The following INTS1 variants were observed in gnomAD, a reference collection of about 807,000 sequenced individuals.
INTS1 encodes integrator complex subunit 1.
Under a neutral mutation model 241.6 loss-of-function variants are expected in INTS1, and 137 were observed. That is an observed-to-expected ratio of 0.57 (90% CI 0.49 to 0.65). The LOEUF is 0.65. INTS1 is among the 30% of genes least tolerant of loss of function. The pLI is 0.00. For synonymous variants in INTS1, 1,692 were observed against 1,337.8 expected (o/e 1.26, Z -5.78); for missense variants, 3,073 against 3,032.2 (o/e 1.01, Z -0.32).
chr7:1,482,521 T>C lies in INTS1; in HGVS notation c.3703+25A>G, dbSNP rs10227674. The C allele has an allele frequency of 0.45, 704,946 of 1,576,266 alleles. 163,919 individuals are homozygous for C. Among genetic ancestry groups the C allele is most frequent in the East Asian group, 0.73 (32,340 of 44,146 alleles). ...CCGGGACCCCTGAGTCAGCAGCCCCTGCCCAAGCCCAGCCTGGACCGTACC... is the reference window on the plus strand; with the variant it reads ...CCGGGACCCCTGAGTCAGCAGCCCCCGCCCAAGCCCAGCCTGGACCGTACC... On this transcript the variant is annotated intron_variant, in intron 27 of 47. Transcript: ENST00000404767.
rs372135474 is a variant in INTS1, at chr7:1,489,304, C to T, written c.2318+40G>A. The T allele has an allele frequency of 4.1e-4, 657 of 1,586,084 alleles. 2 individuals are homozygous for T. In the African/African-American group the frequency reaches 7.5e-3, roughly 18 times the overall value. On this transcript the variant is annotated intron_variant, in intron 18 of 47. Coordinates refer to ENST00000404767, the MANE Select transcript of INTS1 (RefSeq NM_001080453.3). ...CCCAGCGGAACGAGACCAGGCCCTG[C>T]TCCCCATCCCGGGCCCGCCGAGGGG...
At position 1,475,945 on chromosome 7, in the gene INTS1, C is replaced by T; in HGVS notation, c.5502+3G>A. 1 of 1,537,826 alleles carries T rather than the reference C, an allele frequency of 6.5e-7. No individual in the cohort carries two copies. Among genetic ancestry groups the T allele is most frequent in the Non-Finnish European group, 8.7e-7 (1 of 1,144,106 alleles). ...GCGGGGAGCGGCAGAGTTGCGCCCT[C>T]ACCTTGCAGACGCTGCTGCTGGCAG... On this transcript the variant is annotated splice_donor_region_variant and intron_variant, in intron 39 of 47. Coordinates refer to ENST00000404767, the MANE Select transcript of INTS1 (RefSeq NM_001080453.3).
At position 1,503,200 on chromosome 7, in the gene INTS1, A is replaced by C; in HGVS notation, c.59-9T>G. 6.6e-7 allele frequency: 1 copy of C among 1,520,954 alleles called. No homozygotes were observed. Among genetic ancestry groups the C allele is most frequent in the South Asian group, 1.3e-5 (1 of 76,314 alleles). The allele number at this position is 1,520,954 out of a possible 1,614,324, so 94.2% of individuals were successfully genotyped here. On this transcript the variant is annotated splice_polypyrimidine_tract_variant and intron_variant, in intron 2 of 47. Transcript: ENST00000404767. ...TCCTGGGGGAGGGTGCCCTGCAGAG[A>C]AAGGAGAGAGAAAACCGGGCACATT...
In INTS1 at chr7:1,503,856, AAGACCCCC is replaced by A. The variant is rs756941115; in HGVS notation, c.58+39_58+46del. 1.2e-5 allele frequency: 17 copies of A among 1,430,584 alleles called. No individual in the cohort carries two copies. The African/African-American group carries it at 2.2e-4, about 19-fold the overall frequency. The allele number at this position is 1,430,584 out of a possible 1,614,324, so 88.6% of individuals were successfully genotyped here. ...CAGCTGAGATCCCCAAAGACCCCCA[AAGACCCCC>A]AAAGACCCCCGGGCTGCAGAGCGAG... On this transcript the variant is annotated intron_variant, in intron 2 of 47. Transcript: ENST00000404767.
intron 5 of INTS1, 101 bp downstream of exon 5, chr7:1,499,783 A>G: frequency 6.8e-7 from 1 of 1,471,746 alleles, no homozygotes; most frequent in East Asian, 2.4e-5. Context: ...CAGGGCTGTC[A>G]GACACAGCCC....
Position 1,473,535 on chromosome 7 carries a change from C to T in INTS1, c.5957+31G>A, listed in dbSNP as rs372827479. 6.3e-5 allele frequency: 98 copies of T among 1,563,608 alleles called. 1 individual carries two copies. The highest frequency in any genetic ancestry group is 5.9e-5 in the South Asian group (5 of 85,426). The stretch of plus-strand genomic sequence containing the variant: ...CCCCGCTGGACCCTCGCCGGAGGCC[C>T]GAGGCTTCCCTGCAGCCCGTGGGCA... On this transcript the variant is annotated intron_variant, in intron 42 of 47. Transcript: ENST00000404767.
rs1244424422 is a variant in INTS1, at chr7:1,474,740, C to G, written c.5601G>C (p.Arg1867=). ...GCAGCGGGTGCGCCACCGCCAGCTT[C>G]CGGCAGGCCATGCTGGCATCCGCCC... The part of the protein sequence containing the change: ...NRGADASMAC[R]KLAVAHPLLL... The change falls in exon 40 of 48, where the codon CGG becomes CGC. Residue 1867 remains arginine (R), a synonymous_variant. Transcript: ENST00000404767. 1 of 1,563,822 alleles carries G rather than the reference C, an allele frequency of 6.4e-7. No homozygotes were observed. Among genetic ancestry groups the G allele is most frequent in the East Asian group, 2.4e-5 (1 of 42,028 alleles).
At chr7:1,471,016 C>A in intron 46 of INTS1, 61 bp from the exon 47 acceptor site, 1 of 1,518,846 alleles carries the variant, frequency 6.6e-7, no homozygotes. Context: ...GACCCCCACC[C>A]GACAGGGCGA....
Position 1,479,550 on chromosome 7 carries a change from C to T in INTS1, c.4209G>A (p.Val1403=), listed in dbSNP as rs1203749513. The T allele has an allele frequency of 3.9e-6, 6 of 1,555,846 alleles. No homozygotes were observed. Among genetic ancestry groups the T allele is most frequent in the Non-Finnish European group, 5.2e-6 (6 of 1,151,672 alleles). The change falls in exon 31 of 48, where the codon GTG becomes GTA. Residue 1403 remains valine (V), a synonymous_variant. Transcript: ENST00000404767. ...GGGTGGCGAGGGCCTGCAGGACACGCACCGTGATGCCCGGCACCTCGGGGC... is the reference window on the plus strand; with the variant it reads ...GGGTGGCGAGGGCCTGCAGGACACGTACCGTGATGCCCGGCACCTCGGGGC... ...QGSPEVPGIT[V]RVLQALATLL...
rs544941528 is a variant in INTS1 at position 1,483,481 on chromosome 7, C to G, written c.3541+261G>C. ...GGGCAGTGAGGACTCTGACCCCAGG[C>G]TGTACCAGGCCCTCCAGCTCAGGGC... On this transcript the variant is annotated intron_variant, in intron 26 of 47. Transcript: ENST00000404767. 1.3e-5 allele frequency: 7 copies of G among 547,534 alleles called. No homozygotes were observed. The South Asian group carries it at 1.4e-4, about 11-fold the overall frequency. The allele number at this position is 547,534 out of a possible 1,614,324, so 33.9% of individuals were successfully genotyped here. A position where few individuals can be genotyped will look rare whatever the true frequency, so the allele number is the denominator to read the frequency against.
chr7:1,497,152 C>G lies in INTS1; in HGVS notation c.1588G>C (p.Glu530Gln). 6.2e-7 allele frequency: 1 copy of G among 1,606,740 alleles called. No homozygotes were observed. Among genetic ancestry groups the G allele is most frequent in the South Asian group, 1.1e-5 (1 of 90,172 alleles). ...AGGGCTGGCACCTTGAACTCCATCTCCAGGTACTGCGGCTCCTTGCGCTCC... is the reference window on the plus strand; with the variant it reads ...AGGGCTGGCACCTTGAACTCCATCTGCAGGTACTGCGGCTCCTTGCGCTCC... ...MQERKEPQYL[E>Q]MEFKERFVVH... Residue 530 changes from glutamate (E) to glutamine (Q), a missense_variant, in exon 11 of 48, where the codon GAG (glutamate) becomes CAG (glutamine). Glu to Gln is a conservative substitution (Grantham distance 29). Coordinates refer to ENST00000404767, the MANE Select transcript of INTS1 (RefSeq NM_001080453.3). This position sits in a 1 kb window ranked among gnomAD's most constrained non-coding sequence, Gnocchi z 5.3.
intron 3 of INTS1, 55 bp from the exon 4 acceptor site, chr7:1,500,421 G>T (rs1429881003): frequency 6.9e-7 from 1 of 1,456,260 alleles, no homozygotes. Flanking sequence ...TCACCCCAAA[G>T]CCTCGGGACA....
chr7:1,473,759 C>A, intron 41 of INTS1, 66 bp from the exon 42 acceptor site: 8 of 1,589,464 alleles, frequency 5.0e-6, no homozygotes, highest in Non-Finnish European at 6.9e-6. Context: ...GCCTGTGCTC[C>A]CATCTGCTCC....
intron 38 of INTS1, 64 bp from the exon 39 acceptor site, chr7:1,476,135 G>A (rs535083006): frequency 6.6e-7 from 1 of 1,526,126 alleles, no homozygotes; most frequent in African/African-American, 1.4e-5. Flanking sequence ...TGGGTGGACG[G>A]GACCAGGCGT....
intron 25 of INTS1, 71 bp downstream of exon 25, chr7:1,483,932 G>A: frequency 1.3e-6 from 2 of 1,583,684 alleles, no homozygotes; most frequent in Non-Finnish European, 1.7e-6. Flanking sequence ...CTGGCACCGA[G>A]CGTGCCGTGC....
At position 1,498,442 on chromosome 7, in the gene INTS1, T is replaced by C. The variant is rs560073267; in HGVS notation, c.1395A>G (p.Ala465=). Residue 465 remains alanine (A), a synonymous_variant, in exon 10 of 48, where the codon GCA becomes GCG. Transcript: ENST00000404767. ...GCGCCAGCTCTGAGCTGTGCTGCAG[T>C]GCGGTATAGAGGACCTGCATGTTGT... ...NPNNMQVLYT[A]LQHSSELAPK... The C allele has an allele frequency of 5.6e-6, 9 of 1,613,824 alleles. No homozygotes were observed. In the South Asian group the frequency reaches 7.7e-5, roughly 14 times the overall value.
chr7:1,478,910 C>A, intron 31 of INTS1, 25 bp from the exon 32 acceptor site: 1 of 1,582,446 alleles, frequency 6.3e-7, no homozygotes, highest in East Asian at 2.3e-5. Flanking sequence ...TGGCACGTGG[C>A]TACCCTGGCA....
In INTS1 at chr7:1,491,945, C is replaced by T. The variant is rs34268673; in HGVS notation, c.2165+1065G>A. Among the ~76,000 whole-genome samples, 865 of 152,324 alleles carry T rather than the reference C, an allele frequency of 5.7e-3. 5 individuals carry two copies. The highest frequency in any genetic ancestry group is 7.3e-3 in the Non-Finnish European group (494 of 68,032). On this transcript the variant is annotated intron_variant, in intron 16 of 47. Transcript: ENST00000404767. ...TGCAAACCGAAACAAACGTGAGATA[C>T]CGTCTCACCCCAGCAGGATGTCTCT...
At chr7:1,478,550 C>A in intron 32 of INTS1, 44 bp from the exon 33 acceptor site, 1 of 1,591,908 alleles carries the variant, frequency 6.3e-7, no homozygotes, top group Non-Finnish European at 8.6e-7. Flanking sequence ...CAGCCCTCAC[C>A]CCATCGGTGT....
Sources: gnomAD v4.1 joint callset for allele counts (sites outside exome capture counted in the v4.1 genomes callset) on GRCh38, gnomAD v4.1.1 for gene constraint, Gnocchi (gnomAD v3.1) non-coding constraint, MANE v1.5 for transcripts, NCBI Gene and HGNC (gene_info 2026-07-23, HGNC 2026-07-21) for gene names.